Variants in CLNK observed in about 807,000 individuals in gnomAD.
CLNK encodes cytokine-dependent hematopoietic cell linker.
Under a neutral mutation model 68.6 loss-of-function variants are expected in CLNK, and 74 were observed. The observed-to-expected ratio is 1.08, with a 90% CI of 0.89 to 1.31. The LOEUF (loss-of-function observed/expected upper bound fraction) is 1.31. Among genes scored for constraint, CLNK ranks in the 50% most tolerant of loss-of-function variants. The pLI is 0.00. For missense variants in CLNK, 553 were observed against 515.3 expected, an observed-to-expected ratio of 1.07 and a Z score of -0.71; for synonymous variants, 198 against 172.2, an observed-to-expected ratio of 1.15 and a Z score of -1.17.
chr4:10,525,958 A>G (rs1281774996), intron 13 of CLNK, 36 bp from the exon 14 acceptor site: 8 of 1,290,228 alleles, frequency 6.2e-6, no homozygotes, highest in Non-Finnish European at 8.7e-6. Flanking sequence ...GTCAGGTTGC[A>G]AAAGAAAAAT....
At chr4:10,682,991 A>C (rs1725148021) in intron 1 of CLNK, among the ~76,000 whole-genome samples, 1 of 152,214 alleles carries the variant, frequency 6.6e-6, no homozygotes, top group Non-Finnish European at 1.5e-5. Context: ...AGGAAAGGAA[A>C]GTAATGGAGA....
intron 2 of CLNK, among the ~76,000 whole-genome samples, chr4:10,649,145 T>C (rs559231162): frequency 6.6e-4 from 100 of 152,302 alleles, no homozygotes; most frequent in Non-Finnish European, 1.1e-3. Flanking sequence ...AATGATTGAA[T>C]GAAAAACGTA....
At chr4:10,622,599 C>T (rs1048724748) in intron 2 of CLNK, among the ~76,000 whole-genome samples, 2 of 152,142 alleles carry the variant, frequency 1.3e-5, no homozygotes, top group South Asian at 2.1e-4. Context: ...CAAGAAAGAA[C>T]ATAATTTTGG....
In CLNK at chr4:10,603,064, G is replaced by GACT. The variant is rs557205772; in HGVS notation, c.12-5018_12-5016dup. ...AGATGCTCCCGGCTACACCCAATGT[G>GACT]ACTGGTGCAGTCTGACTAGCACAGA... On this transcript the variant is annotated intron_variant, in intron 2 of 18. Coordinates refer to ENST00000226951, the MANE Select transcript of CLNK (RefSeq NM_052964.4). Among the ~76,000 whole-genome samples the GACT allele has an allele frequency of 1.7e-3, 264 of 152,302 alleles. 1 individual carries two copies. Among genetic ancestry groups the GACT allele is most frequent in the African/African-American group, 6.0e-3 (251 of 41,572 alleles).
intron 2 of CLNK, among the ~76,000 whole-genome samples, chr4:10,660,002 A>G (rs1288075633): frequency 6.6e-6 from 1 of 152,208 alleles, no homozygotes; most frequent in African/African-American, 2.4e-5. Flanking sequence ...GCAAATGACC[A>G]GTGTTTTGGA....
rs571487360 is a variant in CLNK at position 10,501,795 on chromosome 4, C to T, written c.985-384G>A. Among the ~76,000 whole-genome samples the T allele has an allele frequency of 1.8e-4, 28 of 152,218 alleles. No homozygotes were observed. The South Asian group carries it at 3.9e-3, about 21-fold the overall frequency. On this transcript the variant is annotated intron_variant, in intron 17 of 18. Transcript: ENST00000226951. ...TACAAGAATTAGCCGGGCATGGTGGCGGGCGCCTGTAATCCCAGCTACTCA... is the reference window on the plus strand; with the variant it reads ...TACAAGAATTAGCCGGGCATGGTGGTGGGCGCCTGTAATCCCAGCTACTCA...
chr4:10,597,003 G>A (rs2108844772), intron 3 of CLNK, among the ~76,000 whole-genome samples: 1 of 152,290 alleles, frequency 6.6e-6, no homozygotes, highest in East Asian at 1.9e-4. Flanking sequence ...AGAAGTCTGA[G>A]AAAGCCACAA....
chr4:10,591,904 A>G (rs1198020694), intron 3 of CLNK, among the ~76,000 whole-genome samples: 1 of 152,214 alleles, frequency 6.6e-6, no homozygotes. Context: ...TTTTATTTGT[A>G]TAAGAAATAT....
chr4:10,611,589 G>T (rs1722028308), intron 2 of CLNK, among the ~76,000 whole-genome samples: 1 of 151,924 alleles, frequency 6.6e-6, no homozygotes, highest in African/African-American at 2.4e-5. Context: ...TTCTAGAGAA[G>T]GAGCCCCCCA....
chr4:10,705,425 A>C, the CLNK span, among the ~76,000 whole-genome samples: 3 of 152,190 alleles, frequency 2.0e-5, no homozygotes, highest in East Asian at 5.8e-4. Context: ...AGAATTCCAA[A>C]ATGAGTCTCA....
intron 3 of CLNK, among the ~76,000 whole-genome samples, chr4:10,587,622 C>T (rs1008590306): frequency 6.6e-5 from 10 of 152,218 alleles, no homozygotes; most frequent in African/African-American, 2.4e-4. Flanking sequence ...CAAGTTGAGT[C>T]TGACTTCAGC....
intron 2 of CLNK, among the ~76,000 whole-genome samples, chr4:10,608,583 T>A (rs1721876098): frequency 6.6e-6 from 1 of 152,200 alleles, no homozygotes; most frequent in Non-Finnish European, 1.5e-5. Context: ...TTGTTGACTA[T>A]TCCTAAAAGG....
the CLNK span, among the ~76,000 whole-genome samples, chr4:10,722,798 C>T: frequency 0.014 from 2,150 of 152,338 alleles, 14 homozygotes; most frequent in East Asian, 0.057. Context: ...GCCTGTTATT[C>T]CAGCACTTTG....
intron 16 of CLNK, among the ~76,000 whole-genome samples, chr4:10,510,257 C>T (rs1473982526): frequency 6.6e-6 from 1 of 152,112 alleles, no homozygotes; most frequent in Non-Finnish European, 1.5e-5. Context: ...CCTTCTAATT[C>T]TCTTTCTAGC....
At chr4:10,717,248 G>A in the CLNK span, among the ~76,000 whole-genome samples, 2,280 of 152,250 alleles carry the variant, frequency 0.015, 63 homozygotes, top group African/African-American at 0.052. Flanking sequence ...CAGCCTCATT[G>A]AACAGTGATG....
intron 3 of CLNK, among the ~76,000 whole-genome samples, chr4:10,585,664 T>C (rs372699388): frequency 6.6e-6 from 1 of 152,138 alleles, no homozygotes; most frequent in Admixed American, 6.5e-5. Flanking sequence ...AGTATAAATA[T>C]AAAAGAGCCC....
chr4:10,497,768 T>C (rs1716872169), intron 18 of CLNK, among the ~76,000 whole-genome samples: 1 of 152,250 alleles, frequency 6.6e-6, no homozygotes, highest in African/African-American at 2.4e-5. Context: ...CCAGAGCTTT[T>C]TCAAGAACTC....
intron 5 of CLNK, among the ~76,000 whole-genome samples, chr4:10,566,963 C>G (rs1026676687): frequency 6.6e-6 from 1 of 151,824 alleles, no homozygotes; most frequent in African/African-American, 2.4e-5. Flanking sequence ...TTCAGAAGAC[C>G]TAAATAAATG....
intron 4 of CLNK, 104 bp downstream of exon 4, chr4:10,584,823 G>A (rs1720912163): frequency 1.7e-6 from 2 of 1,181,206 alleles, no homozygotes; most frequent in Non-Finnish European, 2.5e-6. Flanking sequence ...ATTTCAAATA[G>A]GCCATAGTTT....
Sources: allele counts gnomAD v4.1 joint callset (sites outside exome capture counted in the v4.1 genomes callset), GRCh38; gene constraint gnomAD v4.1.1; transcripts MANE v1.5; gene names NCBI Gene and HGNC (gene_info 2026-07-23, HGNC 2026-07-21).